Variants in MALRD1 observed in about 807,000 individuals in gnomAD.
MALRD1 encodes MAM and LDL-receptor class A domain-containing protein 1.
MALRD1 carries 247 observed loss-of-function variants against 242.1 expected under a neutral mutation model. The ratio of observed to expected loss-of-function variants is 1.02; its 90% CI spans 0.92 to 1.13. The LOEUF (loss-of-function observed/expected upper bound fraction) is 1.13, where lower values mean the gene tolerates loss of function less well. Among genes scored for constraint, MALRD1 ranks in the 50% most tolerant of loss-of-function variants. The pLI is 0.00. For missense variants in MALRD1, 2,989 were observed against 2,533.1 expected (o/e 1.18, Z -3.86); for synonymous variants, 995 against 866.6 (o/e 1.15, Z -2.60).
chr10:19,222,206 T>C (rs944938388), intron 18 of MALRD1, among the ~76,000 whole-genome samples: 13 of 152,022 alleles, frequency 8.6e-5, no homozygotes, highest in African/African-American at 2.9e-4. Context: ...TGGAAGCACA[T>C]ATACCAGCCA....
intron 18 of MALRD1, among the ~76,000 whole-genome samples, chr10:19,213,379 G>A (rs917376529): frequency 1.3e-5 from 2 of 152,066 alleles, no homozygotes; most frequent in South Asian, 2.1e-4. Context: ...GACTACAGCC[G>A]CATGCTACTA....
At chr10:19,277,386 A>G (rs1442702186) in intron 19 of MALRD1, among the ~76,000 whole-genome samples, 1 of 152,174 alleles carries the variant, frequency 6.6e-6, no homozygotes, top group African/African-American at 2.4e-5. Context: ...TCTCATGTAG[A>G]CTGAGCTCTA....
intron 26 of MALRD1, among the ~76,000 whole-genome samples, chr10:19,369,617 A>C (rs1220074692): frequency 3.0e-5 from 4 of 135,188 alleles, no homozygotes; most frequent in Non-Finnish European, 6.2e-5. Flanking sequence ...ATATATTTAA[A>C]TATACATAAG....
At chr10:19,171,368 C>T (rs1407268849) in intron 13 of MALRD1, among the ~76,000 whole-genome samples, 1 of 148,052 alleles carries the variant, frequency 6.8e-6, no homozygotes, top group Admixed American at 6.7e-5. Flanking sequence ...TTACTGATTA[C>T]CAATTGATGC....
chr10:19,401,828 G>A (rs1470163706), intron 28 of MALRD1, among the ~76,000 whole-genome samples: 1 of 59,218 alleles, frequency 1.7e-5, no homozygotes, highest in Non-Finnish European at 5.1e-5. Flanking sequence ...TCAAAAGAGA[G>A]TTATTTAATC....
At chr10:19,127,874 A>T (rs1564409628) in intron 7 of MALRD1, among the ~76,000 whole-genome samples, 1 of 152,112 alleles carries the variant, frequency 6.6e-6, no homozygotes, top group East Asian at 1.9e-4. Flanking sequence ...ATTCTTGATT[A>T]AAAAAAGGAT....
chr10:19,385,650 GTGTC>G (rs1169659530), intron 26 of MALRD1, among the ~76,000 whole-genome samples: 1 of 151,822 alleles, frequency 6.6e-6, no homozygotes, highest in African/African-American at 2.4e-5. Context: ...ATCTAGCTAA[GTGTC>G]TGTCAGTTTT....
chr10:19,401,280 A>G (rs928740916), intron 28 of MALRD1, among the ~76,000 whole-genome samples: 11 of 152,174 alleles, frequency 7.2e-5, no homozygotes, highest in African/African-American at 2.7e-4. Context: ...CATTGTTTCT[A>G]TAATTTTCAA....
At chr10:19,222,731 G>A (rs1023720085) in intron 18 of MALRD1, among the ~76,000 whole-genome samples, 1 of 152,134 alleles carries the variant, frequency 6.6e-6, no homozygotes, top group South Asian at 2.1e-4. Flanking sequence ...CAACATTTTA[G>A]ATTTGTCTTT....
chr10:19,656,803 T>C (rs536500965), intron 36 of MALRD1, among the ~76,000 whole-genome samples: 18 of 152,286 alleles, frequency 1.2e-4, no homozygotes, highest in African/African-American at 4.3e-4. Flanking sequence ...GACCTTGTCT[T>C]CTTGAAGCAT....
At chr10:19,469,193 C>G (rs191746515) in intron 29 of MALRD1, among the ~76,000 whole-genome samples, 2 of 151,988 alleles carry the variant, frequency 1.3e-5, no homozygotes, top group Non-Finnish European at 2.9e-5. Flanking sequence ...TTTTAATATA[C>G]GCTTTCAGCT....
chr10:19,284,760 T>C (rs1841024684), intron 21 of MALRD1, among the ~76,000 whole-genome samples: 1 of 71,386 alleles, frequency 1.4e-5, no homozygotes. Context: ...CATTTGGGTA[T>C]ATACCCAGTA....
Position 19,263,626 on chromosome 10 carries a change from G to A in MALRD1, c.3079+5855G>A, listed in dbSNP as rs577467860. Among the ~76,000 whole-genome samples, 20 of 152,166 alleles carry A rather than the reference G, an allele frequency of 1.3e-4. No homozygotes were observed. In the South Asian group the frequency reaches 3.7e-3, roughly 28 times the overall value. ...GATTTTTGTACATGATGTAAGATAAGAGCCCAATTTCATTTTGCTTTGCAT... is the reference window on the plus strand; with the variant it reads ...GATTTTTGTACATGATGTAAGATAAAAGCCCAATTTCATTTTGCTTTGCAT... On this transcript the variant is annotated intron_variant, in intron 19 of 39. Transcript: ENST00000454679.
At chr10:19,666,853 A>G (rs1217519409) in intron 36 of MALRD1, among the ~76,000 whole-genome samples, 1 of 152,228 alleles carries the variant, frequency 6.6e-6, no homozygotes, top group African/African-American at 2.4e-5. Context: ...GAATGAACAA[A>G]AAAAGTTAAT....
At chr10:19,590,875 TG>T (rs1253996419) in intron 33 of MALRD1, among the ~76,000 whole-genome samples, 1 of 152,186 alleles carries the variant, frequency 6.6e-6, no homozygotes, top group Non-Finnish European at 1.5e-5. Context: ...ATCAGTGAGA[TG>T]AGCCTACTTT....
At position 19,209,293 on chromosome 10, in the gene MALRD1, A is replaced by C. The variant is rs1836931896; in HGVS notation, c.2604A>C (p.Glu868Asp). ...NCAPELQCNF[E>D]TGICNWEQDA... ...CACCTGAGCTGCAGTGTAACTTTGAAACTGGAATCTGTAACTGGGAACAAG... is the reference window on the plus strand; with the variant it reads ...CACCTGAGCTGCAGTGTAACTTTGACACTGGAATCTGTAACTGGGAACAAG... Residue 868 changes from glutamate to aspartate, a missense_variant, in exon 18 of 40, where the codon GAA becomes GAC. By Grantham distance (45) the Glu-to-Asp change is conservative. Coordinates refer to ENST00000454679, the MANE Select transcript of MALRD1 (RefSeq NM_001142308.3). The C allele has an allele frequency of 1.5e-5, 23 of 1,542,504 alleles. No individual in the cohort carries two copies. The highest frequency in any genetic ancestry group is 2.0e-5 in the Non-Finnish European group (23 of 1,143,904).
chr10:19,321,373 G>A (rs1309650116), intron 21 of MALRD1, among the ~76,000 whole-genome samples: 2 of 152,072 alleles, frequency 1.3e-5, no homozygotes, highest in Non-Finnish European at 2.9e-5. Context: ...TATTGGCTCA[G>A]GAAGGATGAT....
chr10:19,153,228 T>A (rs1452832790), intron 11 of MALRD1, among the ~76,000 whole-genome samples: 1 of 152,208 alleles, frequency 6.6e-6, no homozygotes, highest in African/African-American at 2.4e-5. Context: ...TTATTCGACA[T>A]CATTTTAATT....
At chr10:19,713,043 A>AG (rs1305388527) in intron 38 of MALRD1, among the ~76,000 whole-genome samples, 1 of 93,800 alleles carries the variant, frequency 1.1e-5, no homozygotes, top group African/African-American at 5.2e-5. Context: ...ACCAGAAATG[A>AG]AGGGGGGGGT....
Sources: allele counts gnomAD v4.1 joint callset (sites outside exome capture counted in the v4.1 genomes callset), GRCh38; gene constraint gnomAD v4.1.1; transcripts MANE v1.5; gene names NCBI Gene and HGNC (gene_info 2026-07-23, HGNC 2026-07-21).